PRORP: variants seen among roughly 807,000 people sequenced by gnomAD.
PRORP encodes mitochondrial ribonuclease P catalytic subunit.
In PRORP, 51 loss-of-function variants were observed where a neutral mutation model predicts 59.4. That is an observed-to-expected ratio of 0.86 (90% CI 0.69 to 1.08). PRORP has a LOEUF of 1.08. Ranked by LOEUF, PRORP falls within the 50% of genes least tolerant of loss-of-function variation. PRORP has a pLI of 0.00. For missense variants in PRORP, 646 were observed against 690.3 expected (o/e 0.94, Z 0.72); for synonymous variants, 231 against 245.6 (o/e 0.94, Z 0.55).
intron 5 of PRORP, among the ~76,000 whole-genome samples, chr14:35,265,387 A>T (rs1290490076): frequency 6.6e-6 from 1 of 152,190 alleles, no homozygotes; most frequent in African/African-American, 2.4e-5. Flanking sequence ...ATCCATTTAT[A>T]GCTTAGTTTA....
At position 35,274,381 on chromosome 14, in the gene PRORP, G is replaced by T. The variant is rs2051269976; in HGVS notation, c.*815G>T. On this transcript the variant is annotated 3_prime_UTR_variant, in exon 8 of 8. Transcript: ENST00000534898. ...TTGACAAGACTAGTCTCCAACCCCT[G>T]GCCTCAGTCGATCCCCAGCAATTTG... The T allele has an allele frequency of 6.8e-6, 1 of 147,874 alleles. No homozygotes were observed. The highest frequency in any genetic ancestry group is 2.5e-5 in the African/African-American group (1 of 39,768). The allele number at this position is 147,874 out of a possible 1,614,324, so 9.2% of individuals were successfully genotyped here.
chr14:35,151,482 A>G (rs545984845), intron 4 of PRORP, among the ~76,000 whole-genome samples: 1 of 152,226 alleles, frequency 6.6e-6, no homozygotes, highest in South Asian at 2.1e-4. Context: ...CAGTAAATAC[A>G]ACTTTTTCCT....
intron 4 of PRORP, among the ~76,000 whole-genome samples, chr14:35,149,411 C>T (rs1374811878): frequency 6.6e-6 from 1 of 152,074 alleles, no homozygotes; most frequent in African/African-American, 2.4e-5. Context: ...TAGGATCTTG[C>T]TATGTTGCCC....
At chr14:35,191,355 TG>T (rs1259313489) in intron 5 of PRORP, among the ~76,000 whole-genome samples, 1 of 152,210 alleles carries the variant, frequency 6.6e-6, no homozygotes, top group Non-Finnish European at 1.5e-5. Context: ...CACGTGGAAC[TG>T]TGAGTCCATT....
At chr14:35,221,359 A>G (rs549408348) in intron 5 of PRORP, among the ~76,000 whole-genome samples, 2 of 152,380 alleles carry the variant, frequency 1.3e-5, no homozygotes, top group East Asian at 3.9e-4. Flanking sequence ...CATGATCAGT[A>G]TAATTGGTTT....
chr14:35,253,578 GTC>G (rs1292140504), intron 5 of PRORP, among the ~76,000 whole-genome samples: 1 of 152,110 alleles, frequency 6.6e-6, no homozygotes, highest in African/African-American at 2.4e-5. Flanking sequence ...ATAGGACAGA[GTC>G]TCTCTGGGCA....
intron 4 of PRORP, among the ~76,000 whole-genome samples, chr14:35,178,190 G>A (rs1468088238): frequency 1.3e-5 from 2 of 152,256 alleles, no homozygotes; most frequent in East Asian, 1.9e-4. Flanking sequence ...GAATAAATGC[G>A]ATGTGGTGCT....
intron 4 of PRORP, among the ~76,000 whole-genome samples, chr14:35,163,313 A>G (rs1273607931): frequency 6.6e-6 from 1 of 152,136 alleles, no homozygotes; most frequent in African/African-American, 2.4e-5. Flanking sequence ...CTCTTGCTGT[A>G]TTTGTTGCAC....
chr14:35,123,794 T>C lies in PRORP; in HGVS notation c.549T>C (p.Tyr183=). 1.9e-6 allele frequency: 3 copies of C among 1,614,210 alleles called. No individual in the cohort carries two copies. The highest frequency in any genetic ancestry group is 1.3e-5 in the African/African-American group (1 of 75,066). ...ACGATTTACTGGTCAAGTATTTGTA[T>C]CTCTGTGTCTTTCATATGCAGACAT... ...VSYDLLVKYL[Y]LCVFHMQTSE... The change falls in exon 2 of 8, where the codon TAT becomes TAC. Residue 183 remains tyrosine, a synonymous_variant. Coordinates refer to ENST00000534898, the MANE Select transcript of PRORP (RefSeq NM_014672.4).
rs1044979009 is a variant in PRORP, at chr14:35,262,643, A to C, written c.1276-4084A>C. On this transcript the variant is annotated intron_variant, in intron 5 of 7. Transcript: ENST00000534898. ...GGCTCCAGGTTGATAAATGGTGGGG[A>C]AACTGAAAGGAACTGGCTGCCGTTC... 9.3e-6 allele frequency: 7 copies of C among 755,816 alleles called. No individual in the cohort carries two copies. The African/African-American group carries it at 1.0e-4, about 11-fold the overall frequency. The allele number at this position is 755,816 out of a possible 1,614,324, so 46.8% of individuals were successfully genotyped here. A position where few individuals can be genotyped will look rare whatever the true frequency, so the allele number is the denominator to read the frequency against.
intron 4 of PRORP, among the ~76,000 whole-genome samples, chr14:35,162,396 A>G (rs936026665): frequency 1.3e-5 from 2 of 152,084 alleles, no homozygotes; most frequent in Non-Finnish European, 2.9e-5. Context: ...CTTTGCCTAT[A>G]TGAAGTAAAA....
intron 5 of PRORP, among the ~76,000 whole-genome samples, chr14:35,254,122 G>T (rs184570396): frequency 1.7e-4 from 26 of 151,128 alleles, no homozygotes; most frequent in Admixed American, 1.5e-3. Context: ...CATCTATCCA[G>T]CTGTCCAATC....
intron 5 of PRORP, among the ~76,000 whole-genome samples, chr14:35,239,610 G>A (rs776300881): frequency 1.3e-5 from 2 of 152,164 alleles, no homozygotes; most frequent in Non-Finnish European, 2.9e-5. Context: ...AGATTCTCGT[G>A]ACCTTTGACA....
intron 4 of PRORP, among the ~76,000 whole-genome samples, chr14:35,169,071 G>A (rs1020310674): frequency 3.8e-5 from 5 of 132,370 alleles, no homozygotes; most frequent in African/African-American, 1.3e-4. Context: ...TTAGGTCAAT[G>A]TTTTATGACC....
chr14:35,172,623 C>T (rs951097922), intron 4 of PRORP, among the ~76,000 whole-genome samples: 1 of 151,024 alleles, frequency 6.6e-6, no homozygotes, highest in African/African-American at 2.4e-5. Context: ...GATCTCAGCT[C>T]ACTGCAACCT....
At chr14:35,254,684 G>A (rs761079860) in intron 5 of PRORP, among the ~76,000 whole-genome samples, 2 of 151,902 alleles carry the variant, frequency 1.3e-5, no homozygotes, top group African/African-American at 2.4e-5. Flanking sequence ...GAGCCACCGC[G>A]CCCAGCCCAC....
At chr14:35,252,477 T>C (rs1290734596) in intron 5 of PRORP, among the ~76,000 whole-genome samples, 1 of 152,118 alleles carries the variant, frequency 6.6e-6, no homozygotes, top group Non-Finnish European at 1.5e-5. Context: ...AGGCAGTCAT[T>C]ATCCTTTCTG....
At chr14:35,161,742 C>G (rs987020120) in intron 4 of PRORP, among the ~76,000 whole-genome samples, 3 of 152,120 alleles carry the variant, frequency 2.0e-5, no homozygotes, top group African/African-American at 7.2e-5. Flanking sequence ...ATAGCTGATT[C>G]TGTCTAGAAA....
intron 5 of PRORP, among the ~76,000 whole-genome samples, chr14:35,213,962 AAATG>A (rs1346625673): frequency 6.6e-6 from 1 of 152,226 alleles, no homozygotes; most frequent in Non-Finnish European, 1.5e-5. Flanking sequence ...AATTTGTAAA[AAATG>A]AATATCTGTA....
Sources: allele counts gnomAD v4.1 joint callset (sites outside exome capture counted in the v4.1 genomes callset), GRCh38; gene constraint gnomAD v4.1.1; transcripts MANE v1.5; gene names NCBI Gene and HGNC (gene_info 2026-07-23, HGNC 2026-07-21).